EXOSC7: variants seen among roughly 807,000 people sequenced by gnomAD.
The protein encoded by EXOSC7 is exosome complex component RRP42.
EXOSC7 carries 25 observed loss-of-function variants against 34.3 expected under a neutral mutation model. That is an observed-to-expected ratio of 0.73 (90% confidence interval 0.53 to 1.02). The LOEUF (loss-of-function observed/expected upper bound fraction) is 1.02. Ranked by LOEUF, EXOSC7 falls within the 50% of genes least tolerant of loss-of-function variation. The pLI is 0.00. For synonymous variants in EXOSC7, 130 were observed against 143.0 expected (o/e 0.91, Z 0.65); for missense variants, 370 against 368.5 (o/e 1.00, Z -0.03).
intron 1 of EXOSC7, among the ~76,000 whole-genome samples, chr3:44,984,082 T>A (rs1706344783): frequency 6.6e-6 from 1 of 152,178 alleles, no homozygotes; most frequent in Non-Finnish European, 1.5e-5. Flanking sequence ...CTGATGAGGC[T>A]CAGTTTTCTG....
At chr3:44,979,944 T>TGG (rs200252677) in intron 1 of EXOSC7, among the ~76,000 whole-genome samples, 1 of 151,530 alleles carries the variant, frequency 6.6e-6, no homozygotes, top group Non-Finnish European at 1.5e-5. Context: ...TAGAGCAGTA[T>TGG]GGGGGGGGTT....
rs546445187 is a variant in EXOSC7 at position 45,005,445 on chromosome 3, C to T, written c.615+31C>T. On this transcript the variant is annotated intron_variant, in intron 6 of 7. Transcript: ENST00000265564. ...ACTTGTATTTTATGGTTTTTGTCTT[C>T]CCTGTGGGTGTGGGTCTCCTCTAAT... 3.1e-6 allele frequency: 5 copies of T among 1,608,290 alleles called. No homozygotes were observed. The African/African-American group carries it at 4.0e-5, about 13-fold the overall frequency.
At position 45,004,975 on chromosome 3, in the gene EXOSC7, G is replaced by T. The variant is rs956160677; in HGVS notation, c.492-316G>T. 2.1e-5 allele frequency: 5 copies of T among 234,532 alleles called. No individual in the cohort carries two copies. In the Admixed American group the frequency reaches 2.6e-4, roughly 12 times the overall value. 14.5% of individuals were successfully genotyped at this position (234,532 alleles called of 1,614,324 possible). On this transcript the variant is annotated intron_variant, in intron 5 of 7. Transcript: ENST00000265564. ...TTTTTTCTAAATGCTTTATTGTCTT[G>T]TCTTTTATTTTTTATATCTATGGTC...
intron 1 of EXOSC7, among the ~76,000 whole-genome samples, chr3:44,978,722 G>A (rs938418521): frequency 3.9e-5 from 6 of 152,196 alleles, no homozygotes; most frequent in Admixed American, 3.9e-4. Context: ...CTCAGGTGGA[G>A]GACATGTGGA....
In EXOSC7 at chr3:44,976,290, A is replaced by G. The variant is rs11547235; in HGVS notation, c.13A>G (p.Thr5Ala). 133,567 of 1,561,078 alleles carry G rather than the reference A, an allele frequency of 0.086. 6,148 individuals are homozygous for G. Among genetic ancestry groups the G allele is most frequent in the Middle Eastern group, 0.15 (856 of 5,836 alleles). Residue 5 changes from threonine to alanine, a missense_variant, in exon 1 of 8, where the codon ACG becomes GCG. Physicochemically the swap from Thr to Ala is moderately conservative, Grantham distance 58 (BLOSUM62 0). This residue lies in a region of EXOSC7 where 95 missense variants were observed against 79.8 expected (regional missense o/e 1.19). Coordinates refer to ENST00000265564, the MANE Select transcript of EXOSC7 (RefSeq NM_015004.4). ...GCAGCTCGGCAGCATGGCGTCCGTGACGCTGAGCGAGGCGGAGAAGGTGTA... is the reference window on the plus strand; with the variant it reads ...GCAGCTCGGCAGCATGGCGTCCGTGGCGCTGAGCGAGGCGGAGAAGGTGTA... MASV[T>A]LSEAEKVYIV...
intron 1 of EXOSC7, among the ~76,000 whole-genome samples, chr3:44,984,281 G>A (rs893442232): frequency 1.3e-5 from 2 of 151,992 alleles, no homozygotes; most frequent in African/African-American, 2.4e-5. Context: ...GACCAACTTG[G>A]GCAACATAGC....
chr3:44,989,282 G>A (rs1247424254), intron 2 of EXOSC7, 41 bp downstream of exon 2: 1 of 1,427,904 alleles, frequency 7.0e-7, no homozygotes, highest in Non-Finnish European at 9.9e-7. Flanking sequence ...GTGGAGAAAT[G>A]AGTAGGCCCT....
chr3:45,001,443 A>C, intron 4 of EXOSC7, 95 bp from the exon 5 acceptor site: 1 of 290,500 alleles, frequency 3.4e-6, no homozygotes. Context: ...ACTCTGTCTC[A>C]AAAAAAAAAA....
chr3:44,983,866 A>T (rs1012458170), intron 1 of EXOSC7, among the ~76,000 whole-genome samples: 2 of 44,396 alleles, frequency 4.5e-5, no homozygotes, highest in African/African-American at 1.7e-4. Flanking sequence ...AACTGGGTTT[A>T]AAAAAAAAAG....
intron 5 of EXOSC7, chr3:45,004,060 TG>T (rs1457340974): frequency 1.3e-5 from 2 of 152,250 alleles, no homozygotes; most frequent in Admixed American, 6.5e-5. Context: ...CAAATAGGGA[TG>T]GGCATCATGA....
chr3:45,001,902 C>T, intron 5 of EXOSC7: 1 of 344,344 alleles, frequency 2.9e-6, no homozygotes, highest in South Asian at 3.8e-5. Context: ...GTAGACACCA[C>T]CTACAGGCCA....
At chr3:44,994,062 T>C (rs1483243008) in intron 3 of EXOSC7, among the ~76,000 whole-genome samples, 1 of 152,188 alleles carries the variant, frequency 6.6e-6, no homozygotes, top group East Asian at 1.9e-4. Context: ...CCAGGCTGCC[T>C]GGGTTAGAAT....
chr3:44,979,239 C>T (rs1706206649), intron 1 of EXOSC7, among the ~76,000 whole-genome samples: 2 of 151,750 alleles, frequency 1.3e-5, no homozygotes, highest in Admixed American at 1.3e-4. Context: ...TCTGAAATCT[C>T]CTAAACTTTT....
chr3:45,008,676 C>T (rs962250608), intron 7 of EXOSC7, among the ~76,000 whole-genome samples: 7 of 152,226 alleles, frequency 4.6e-5, no homozygotes, highest in African/African-American at 1.4e-4. Context: ...CATCAGTTCT[C>T]AGCTAATGGC....
chr3:44,997,842 G>A (rs576998786), intron 4 of EXOSC7, among the ~76,000 whole-genome samples: 2 of 152,208 alleles, frequency 1.3e-5, no homozygotes, highest in South Asian at 4.1e-4. Flanking sequence ...CTCAGAACGT[G>A]CCTGCCTTTA....
chr3:44,978,505 A>G (rs910678610), intron 1 of EXOSC7, among the ~76,000 whole-genome samples: 2 of 152,198 alleles, frequency 1.3e-5, no homozygotes, highest in African/African-American at 4.8e-5. Context: ...CTCATGCTAG[A>G]AGGAAGATGC....
intron 5 of EXOSC7, 108 bp downstream of exon 5, chr3:45,001,716 GGGGTTTTAACATT>G (rs1247255968): frequency 1.2e-6 from 1 of 812,380 alleles, no homozygotes; most frequent in Admixed American, 2.0e-5. Context: ...AAGATAACAG[GGGGTTTTAACATT>G]GAAAATGGTG....
At chr3:44,997,351 C>A in intron 4 of EXOSC7, 99 bp downstream of exon 4, 1 of 1,129,778 alleles carries the variant, frequency 8.9e-7, no homozygotes, top group Non-Finnish European at 1.3e-6. Flanking sequence ...CAGGTGGATG[C>A]TTTCAACTTA....
chr3:44,977,632 TA>T (rs1223527204), intron 1 of EXOSC7, among the ~76,000 whole-genome samples: 2 of 152,236 alleles, frequency 1.3e-5, no homozygotes, highest in African/African-American at 4.8e-5. Flanking sequence ...TGAGGGGGCA[TA>T]AAAATGCCCA....
Sources: gnomAD v4.1 joint callset for allele counts (sites outside exome capture counted in the v4.1 genomes callset) on GRCh38, gnomAD v4.1.1 for gene constraint, gnomAD v4.1.1 regional missense constraint, MANE v1.5 for transcripts, NCBI Gene and HGNC (gene_info 2026-07-23, HGNC 2026-07-21) for gene names.